ASB14: variants seen among roughly 807,000 people sequenced by gnomAD.
ASB14 encodes the protein ankyrin repeat and SOCS box containing 14.
In ASB14, 63 loss-of-function variants were observed where a neutral mutation model predicts 55.6. The ratio of observed to expected loss-of-function variants is 1.13; its 90% CI spans 0.92 to 1.40. The LOEUF (loss-of-function observed/expected upper bound fraction) is 1.40, where lower values mean the gene tolerates loss of function less well. Ranked by LOEUF, ASB14 falls within the 40% of genes most tolerant of loss-of-function variation. The probability of loss-of-function intolerance (pLI) is 0.00; values close to 1 mark genes in which losing one functional copy is unlikely to be tolerated. For synonymous variants in ASB14, 256 were observed against 259.9 expected (o/e 0.98, Z 0.15); for missense variants, 724 against 710.4 (o/e 1.02, Z -0.22).
rs759668534 is a variant in ASB14, at chr3:57,288,973, C to T, written c.178+95G>A. ...CCTCAGGCGATCCACCCACCTTGGC[C>T]TCCCAAAGTACTGGGATTACAGGCG... On this transcript the variant is annotated intron_variant, in intron 3 of 10. Coordinates refer to ENST00000487349, the MANE Select transcript of ASB14 (RefSeq NM_001142733.3). 7.2e-6 allele frequency: 7 copies of T among 970,266 alleles called. No individual in the cohort carries two copies. In the Admixed American group the frequency reaches 9.6e-5, roughly 13 times the overall value. 60.1% of individuals were successfully genotyped at this position (970,266 alleles called of 1,614,324 possible).
intron 3 of ASB14, among the ~76,000 whole-genome samples, chr3:57,288,619 T>C (rs948437708): frequency 6.6e-6 from 1 of 151,484 alleles, no homozygotes; most frequent in African/African-American, 2.4e-5. Context: ...ACCCCTGTAG[T>C]GTTCAGCTCA....
At chr3:57,279,271 T>A (rs112927007) in intron 7 of ASB14, among the ~76,000 whole-genome samples, 3 of 97,534 alleles carry the variant, frequency 3.1e-5, no homozygotes, top group Non-Finnish European at 6.7e-5. Context: ...TTTCTTTTTT[T>A]TTTTTTTTTT....
Position 57,287,938 on chromosome 3 carries a change from AT to A in ASB14, c.431del (p.Asn144MetfsTer26). On this transcript the variant is annotated frameshift_variant, in exon 5 of 11. Transcript: ENST00000487349. LOFTEE classifies it high-confidence loss of function. Reference protein sequence around the residue: ...TFLLLNGCNPNAKNFEGNSPL... With the variant: ...TFLLLNGCNPXAKNFEGNSPL... ...GAGAATTGCCTTCGAAATTCTTAGC[AT>A]TTGGATTGCAGCCATTGAGAAGAAG... The A allele has an allele frequency of 6.5e-7, 1 of 1,537,308 alleles. No individual in the cohort carries two copies. Among genetic ancestry groups the A allele is most frequent in the Non-Finnish European group, 8.7e-7 (1 of 1,146,908 alleles).
chr3:57,278,487 G>A lies in ASB14; in HGVS notation c.1321C>T (p.Leu441=), dbSNP rs1341988852. 3.7e-6 allele frequency: 6 copies of A among 1,614,042 alleles called. No homozygotes were observed. Among genetic ancestry groups the A allele is most frequent in the Non-Finnish European group, 5.1e-6 (6 of 1,180,008 alleles). Residue 441 remains leucine (L), a synonymous_variant, in exon 8 of 11, where the codon CTG becomes TTG. Transcript: ENST00000487349. ...CGCTCTGTGTCATACCCATAGTTCAGCAGCATCCTGAGCATGACTTCATCT... is the reference window on the plus strand; with the variant it reads ...CGCTCTGTGTCATACCCATAGTTCAACAGCATCCTGAGCATGACTTCATCT... The part of the protein sequence containing the change: ...LKDEVMLRML[L]NYGYDTERCF...
chr3:57,277,347 A>G (rs1366667044), intron 9 of ASB14, among the ~76,000 whole-genome samples: 1 of 152,084 alleles, frequency 6.6e-6, no homozygotes, highest in Non-Finnish European at 1.5e-5. Flanking sequence ...GGGAAATAAC[A>G]TGAAATAAAT....
intron 2 of ASB14, among the ~76,000 whole-genome samples, chr3:57,291,122 G>T (rs1371881200): frequency 6.6e-6 from 1 of 152,162 alleles, no homozygotes; most frequent in Non-Finnish European, 1.5e-5. Context: ...AAAATAACAT[G>T]ACACATAGTG....
At chr3:57,269,662 G>A (rs761116702) in intron 10 of ASB14, 44 bp from the exon 11 acceptor site, 1 of 1,613,936 alleles carries the variant, frequency 6.2e-7, no homozygotes, top group Non-Finnish European at 8.5e-7. Flanking sequence ...GGAGAAGGAG[G>A]AAAGAAGAGA....
chr3:57,291,876 C>T, intron 2 of ASB14, 36 bp downstream of exon 2: 1 of 1,495,554 alleles, frequency 6.7e-7, no homozygotes, highest in Non-Finnish European at 9.0e-7. Context: ...TTGAATACAA[C>T]ACTTAATACT....
chr3:57,277,374 G>A (rs907656914), intron 9 of ASB14, among the ~76,000 whole-genome samples: 9 of 152,052 alleles, frequency 5.9e-5, no homozygotes, highest in Admixed American at 4.6e-4. Context: ...TTTGTCTTAC[G>A]TGCTACTTTG....
Position 57,277,923 on chromosome 3 carries a change from G to A in ASB14, c.1432-3C>T. 1 of 1,607,766 alleles carries A rather than the reference G, an allele frequency of 6.2e-7. No homozygotes were observed. The highest frequency in any genetic ancestry group is 1.7e-5 in the Admixed American group (1 of 58,448). On this transcript the variant is annotated splice_polypyrimidine_tract_variant and splice_region_variant and intron_variant, in intron 8 of 10. Transcript: ENST00000487349. The stretch of plus-strand genomic sequence containing the variant: ...GACAAAGTTATTACTTCACAGAACT[G>A]AGGGAAACAAAATCAGAATTAGGAA...
chr3:57,279,268 T>C (rs1267573298), intron 7 of ASB14, among the ~76,000 whole-genome samples: 1 of 131,048 alleles, frequency 7.6e-6, no homozygotes, highest in Non-Finnish European at 1.6e-5. Context: ...GTTTTTCTTT[T>C]TTTTTTTTTT....
intron 10 of ASB14, 83 bp downstream of exon 10, chr3:57,276,445 T>G: frequency 1.8e-5 from 18 of 1,000,546 alleles, no homozygotes; most frequent in Middle Eastern, 2.9e-4. Context: ...TTAGACTGCA[T>G]TGAGATTTTA....
At chr3:57,277,333 C>T (rs2060998299) in intron 9 of ASB14, among the ~76,000 whole-genome samples, 1 of 151,874 alleles carries the variant, frequency 6.6e-6, no homozygotes, top group East Asian at 1.9e-4. Context: ...GATTACCACC[C>T]AAAGGGAAAT....
Position 57,269,857 on chromosome 3 carries a change from A to G in ASB14, c.*23-239T>C, listed in dbSNP as rs1418928889. 3.5e-5 allele frequency: 26 copies of G among 752,838 alleles called. No homozygotes were observed. The East Asian group carries it at 7.3e-4, about 21-fold the overall frequency. 46.6% of individuals were successfully genotyped at this position (752,838 alleles called of 1,614,324 possible). ...ATTGAACTTGATGACTTAGGTTTGC[A>G]TTGATCTTTTTTCCCCCTTAAACAT... is the stretch of plus-strand genomic sequence containing the variant. On this transcript the variant is annotated intron_variant, in intron 10 of 10. Transcript: ENST00000487349.
At chr3:57,287,525 G>A (rs1429318325) in intron 5 of ASB14, among the ~76,000 whole-genome samples, 1 of 152,178 alleles carries the variant, frequency 6.6e-6, no homozygotes, top group East Asian at 1.9e-4. Context: ...ATTCTGCTGG[G>A]GTTGGGCAGG....
chr3:57,289,027 G>A (rs377219631), intron 3 of ASB14, 41 bp downstream of exon 3: 20 of 1,413,196 alleles, frequency 1.4e-5, no homozygotes, highest in Middle Eastern at 3.5e-4. Flanking sequence ...CAATGTCACC[G>A]TCACATCTTA....
intron 2 of ASB14, among the ~76,000 whole-genome samples, chr3:57,290,835 A>C (rs926182289): frequency 6.6e-6 from 1 of 152,240 alleles, no homozygotes; most frequent in Admixed American, 6.5e-5. Flanking sequence ...ATAATCTAAT[A>C]AGGCTAATTT....
At chr3:57,276,082 AAG>A (rs1353473659) in intron 10 of ASB14, among the ~76,000 whole-genome samples, 1 of 152,176 alleles carries the variant, frequency 6.6e-6, no homozygotes, top group African/African-American at 2.4e-5. Flanking sequence ...CTCTATAAAA[AAG>A]ATACTGCAGT....
intron 2 of ASB14, among the ~76,000 whole-genome samples, chr3:57,290,000 G>A (rs187350000): frequency 6.6e-6 from 1 of 151,940 alleles, no homozygotes; most frequent in East Asian, 1.9e-4. Flanking sequence ...AAATTCCCTC[G>A]GACACTCTGT....
Sources: allele counts gnomAD v4.1 joint callset (sites outside exome capture counted in the v4.1 genomes callset), GRCh38; gene constraint gnomAD v4.1.1; transcripts MANE v1.5; gene names NCBI Gene and HGNC (gene_info 2026-07-23, HGNC 2026-07-21).